The following AGBL1 variants were observed in gnomAD, a reference collection of about 807,000 sequenced individuals.
The protein encoded by AGBL1 is AGBL carboxypeptidase 1, also known as cytosolic carboxypeptidase 4.
A neutral mutation model predicts 118.9 loss-of-function variants in AGBL1; 130 were observed. The observed-to-expected ratio is 1.09, with a 90% CI of 0.95 to 1.26. The LOEUF is 1.26. Among genes scored for constraint, AGBL1 ranks in the 50% most tolerant of loss-of-function variants. The pLI is 0.00. For synonymous variants in AGBL1, 555 were observed against 478.9 expected, an observed-to-expected ratio of 1.16 and a Z score of -2.08; for missense variants, 1,584 against 1,298.1, an observed-to-expected ratio of 1.22 and a Z score of -3.38.
At chr15:86,172,893 GTCCTATTTTTAGTTTTTTTTCAAAAC>G in intron 5 of AGBL1, among the ~76,000 whole-genome samples, 1 of 152,038 alleles carries the variant, frequency 6.6e-6, no homozygotes, top group East Asian at 1.9e-4. Flanking sequence ...TTGCATGATA[GTCCTATTTTTAGTTTTTTTTCAAAAC>G]CTGCATATTG....
At chr15:86,237,275 A>G (rs1472571497) in intron 6 of AGBL1, among the ~76,000 whole-genome samples, 3 of 152,252 alleles carry the variant, frequency 2.0e-5, no homozygotes, top group Non-Finnish European at 4.4e-5. Context: ...AGCATTTGCT[A>G]TTTGCCTCTT....
At position 86,722,899 on chromosome 15, in the gene AGBL1, A is replaced by G. The variant is rs369255608; in HGVS notation, c.3158+48463A>G. On this transcript the variant is annotated intron_variant, in intron 22 of 22. Coordinates refer to ENST00000614907, the MANE Select transcript of AGBL1 (RefSeq NM_001386094.1). ...ATTTATGCAGCCAAAAGACACATGA[A>G]AAAATGCTCATCATCACTGGCCATC... is the stretch of plus-strand genomic sequence containing the variant. 2.8e-4 allele frequency among the ~76,000 whole-genome samples: 42 copies of G among 152,358 alleles called. 1 individual carries two copies. The East Asian group carries it at 4.6e-3, about 17-fold the overall frequency.
intron 17 of AGBL1, among the ~76,000 whole-genome samples, chr15:86,354,071 C>G (rs550719999): frequency 3.3e-4 from 50 of 152,188 alleles, no homozygotes; most frequent in Non-Finnish European, 3.2e-4. Context: ...ATAGATGCAG[C>G]TGCTAAATGG....
intron 22 of AGBL1, among the ~76,000 whole-genome samples, chr15:86,698,132 TCTTA>T (rs932334284): frequency 7.9e-5 from 12 of 152,110 alleles, no homozygotes; most frequent in African/African-American, 2.9e-4. Flanking sequence ...CCCTTCTTTC[TCTTA>T]CTAACTTCTA....
intron 22 of AGBL1, among the ~76,000 whole-genome samples, chr15:86,874,486 C>G (rs139413408): frequency 6.6e-6 from 1 of 151,908 alleles, no homozygotes; most frequent in South Asian, 2.1e-4. Flanking sequence ...AGAGCCTCAC[C>G]CACTCTGGCT....
chr15:86,212,896 C>T (rs181112852), intron 5 of AGBL1, among the ~76,000 whole-genome samples: 10 of 152,230 alleles, frequency 6.6e-5, no homozygotes, highest in South Asian at 4.2e-4. Context: ...GTGATCCACC[C>T]GCCTCGGCCT....
intron 18 of AGBL1, among the ~76,000 whole-genome samples, chr15:86,505,800 G>C (rs974360583): frequency 2.0e-5 from 3 of 151,620 alleles, no homozygotes; most frequent in Non-Finnish European, 4.4e-5. Context: ...TCTATTAGCT[G>C]TTATATTTTC....
chr15:86,335,498 T>G (rs1309984580), intron 17 of AGBL1, among the ~76,000 whole-genome samples: 1 of 152,198 alleles, frequency 6.6e-6, no homozygotes, highest in African/African-American at 2.4e-5. Flanking sequence ...AAGAGGGCAC[T>G]GTCTTAAATA....
intron 22 of AGBL1, among the ~76,000 whole-genome samples, chr15:86,693,454 AT>A (rs1011510025): frequency 1.3e-4 from 19 of 151,634 alleles, no homozygotes; most frequent in African/African-American, 4.1e-4. Flanking sequence ...GGGATTGTTA[AT>A]TTTTTTCTTG....
intron 18 of AGBL1, among the ~76,000 whole-genome samples, chr15:86,509,239 G>T (rs1042288634): frequency 2.6e-5 from 4 of 152,090 alleles, no homozygotes; most frequent in African/African-American, 9.7e-5. Flanking sequence ...TGAAAGGGGC[G>T]AGGCTTGATA....
chr15:86,143,845 G>A lies in AGBL1; in HGVS notation c.262G>A (p.Asp88Asn). 6.2e-7 allele frequency: 1 copy of A among 1,613,548 alleles called. No homozygotes were observed. The highest frequency in any genetic ancestry group is 8.5e-7 in the Non-Finnish European group (1 of 1,179,652). The change falls in exon 3 of 23, where the codon GAT becomes AAT. Residue 88 changes from aspartate (D) to asparagine (N), a missense_variant and splice_region_variant. Asp to Asn is a conservative substitution (Grantham distance 23). Coordinates refer to ENST00000614907, the MANE Select transcript of AGBL1 (RefSeq NM_001386094.1). ...GCTGCTGGCCAAAGTTGGCCTAAGAGGTACTCGTACTCCAAGACCTAAAGC... is the reference window on the plus strand; with the variant it reads ...GCTGCTGGCCAAAGTTGGCCTAAGAAGTACTCGTACTCCAAGACCTAAAGC... ...FRLLAKVGLR[D>N]KKIGRKALEL...
intron 22 of AGBL1, among the ~76,000 whole-genome samples, chr15:86,737,730 A>G (rs1051584225): frequency 4.6e-5 from 7 of 152,208 alleles, no homozygotes; most frequent in African/African-American, 7.2e-5. Flanking sequence ...ATAATATTCC[A>G]TAAGGGAAAA....
At chr15:86,785,626 C>A (rs935556887) in intron 22 of AGBL1, among the ~76,000 whole-genome samples, 10 of 152,194 alleles carry the variant, frequency 6.6e-5, no homozygotes, top group South Asian at 6.2e-4. Context: ...CCTTGGCCCC[C>A]CGAAGTGCTG....
chr15:86,330,012 C>A (rs888569422), intron 17 of AGBL1, among the ~76,000 whole-genome samples: 2 of 152,212 alleles, frequency 1.3e-5, no homozygotes, highest in Admixed American at 6.5e-5. Context: ...GACTTAGGCA[C>A]ACATCTGGGT....
At chr15:86,482,838 C>T (rs1299187273) in intron 18 of AGBL1, among the ~76,000 whole-genome samples, 1 of 151,918 alleles carries the variant, frequency 6.6e-6, no homozygotes, top group Non-Finnish European at 1.5e-5. Context: ...AAAGCTTCAT[C>T]AGCCAAGCAA....
At chr15:86,928,879 A>AACTTTT (rs1555463893) in intron 23 of AGBL1, among the ~76,000 whole-genome samples, 1 of 151,870 alleles carries the variant, frequency 6.6e-6, no homozygotes, top group Admixed American at 6.6e-5. Context: ...TTAATAATTT[A>AACTTTT]TTTTTTATTG....
At chr15:86,377,226 A>T (rs1021737533) in intron 17 of AGBL1, among the ~76,000 whole-genome samples, 6 of 152,202 alleles carry the variant, frequency 3.9e-5, no homozygotes, top group Non-Finnish European at 5.9e-5. Flanking sequence ...AAAAATCACA[A>T]ATCTATTAAT....
Position 86,997,522 on chromosome 15 carries a change from G to C in AGBL1, c.3323+9434G>C, listed in dbSNP as rs527833149. ...TCAATTGTGGCTTTTTCCCCCTTCA[G>C]ACTTTGGAATTTAGCAACTAGGATA... On this transcript the variant is annotated intron_variant, in intron 24 of 24. Coordinates refer to the AGBL1 transcript ENST00000441037. 7.9e-5 allele frequency among the ~76,000 whole-genome samples: 12 copies of C among 152,170 alleles called. No homozygotes were observed. In the South Asian group the frequency reaches 1.2e-3, roughly 16 times the overall value.
At chr15:86,933,370 A>G (rs1016592403) in intron 23 of AGBL1, among the ~76,000 whole-genome samples, 1 of 152,148 alleles carries the variant, frequency 6.6e-6, no homozygotes, top group Non-Finnish European at 1.5e-5. Flanking sequence ...AAAATAAGGG[A>G]TATGGGAGGG....
Sources: gnomAD v4.1 joint callset for allele counts (sites outside exome capture counted in the v4.1 genomes callset) on GRCh38, gnomAD v4.1.1 for gene constraint, MANE v1.5 for transcripts, NCBI Gene and HGNC (gene_info 2026-07-23, HGNC 2026-07-21) for gene names.